SCFD2: variants seen among roughly 807,000 people sequenced by gnomAD.
SCFD2 encodes the protein sec1 family domain-containing protein 2.
Under a neutral mutation model 58.9 loss-of-function variants are expected in SCFD2, and 54 were observed. The observed-to-expected ratio is 0.92, with a 90% CI of 0.74 to 1.15. The LOEUF (loss-of-function observed/expected upper bound fraction) is 1.15, where lower values mean the gene tolerates loss of function less well. SCFD2 is among the 50% of genes most tolerant of loss of function. SCFD2 has a pLI of 0.00. For synonymous variants in SCFD2, 321 were observed against 335.9 expected (o/e 0.96, Z 0.49); for missense variants, 805 against 836.6 (o/e 0.96, Z 0.47).
At chr4:52,922,299 ACT>A (rs1719758807) in intron 5 of SCFD2, among the ~76,000 whole-genome samples, 1 of 152,142 alleles carries the variant, frequency 6.6e-6, no homozygotes, top group South Asian at 2.1e-4. Flanking sequence ...ATTTTATAAC[ACT>A]GTGTCACCCC....
intron 3 of SCFD2, among the ~76,000 whole-genome samples, chr4:53,301,397 C>G (rs866168983): frequency 2.4e-4 from 37 of 151,992 alleles, no homozygotes; most frequent in Middle Eastern, 3.4e-3. Flanking sequence ...AAGACTAAAC[C>G]AGGAAGAGGT....
In SCFD2 at chr4:52,888,490, A is replaced by C. The variant is rs374686822; in HGVS notation, c.1843-2624T>G. Among the ~76,000 whole-genome samples the C allele has an allele frequency of 5.1e-4, 77 of 152,298 alleles. 1 individual carries two copies. The highest frequency in any genetic ancestry group is 1.8e-3 in the African/African-American group (73 of 41,564). ...AATCTGCATACCAGACACCATAGCA[A>C]TGCTGCTTTTGTCCTACTGTACCCT... On this transcript the variant is annotated intron_variant, in intron 7 of 8. Transcript: ENST00000401642.
chr4:53,204,029 A>T (rs1337290258), intron 4 of SCFD2, among the ~76,000 whole-genome samples: 1 of 152,082 alleles, frequency 6.6e-6, no homozygotes, highest in African/African-American at 2.4e-5. Context: ...GATCTTTTCT[A>T]TTCCATGTAG....
chr4:53,255,047 AT>A (rs1331437248), intron 4 of SCFD2, among the ~76,000 whole-genome samples: 4 of 149,774 alleles, frequency 2.7e-5, no homozygotes, highest in Non-Finnish European at 5.9e-5. Context: ...TAATTTTTGT[AT>A]TTTTAGTAGA....
At chr4:53,015,703 T>C (rs1560510649) in intron 5 of SCFD2, among the ~76,000 whole-genome samples, 1 of 152,212 alleles carries the variant, frequency 6.6e-6, no homozygotes, top group Non-Finnish European at 1.5e-5. Context: ...TCAAATAATA[T>C]ATTTATTAAA....
intron 2 of SCFD2, among the ~76,000 whole-genome samples, chr4:53,335,526 GA>G (rs1462659272): frequency 6.6e-6 from 1 of 152,162 alleles, no homozygotes; most frequent in Non-Finnish European, 1.5e-5. Flanking sequence ...ATACTCTAAT[GA>G]GGGTAGTAAT....
chr4:53,021,104 A>C (rs1490829859), intron 5 of SCFD2, among the ~76,000 whole-genome samples: 1 of 152,212 alleles, frequency 6.6e-6, no homozygotes, highest in Admixed American at 6.5e-5. Flanking sequence ...ACAATATACT[A>C]ATAATGTGAA....
chr4:53,254,602 G>C (rs1461250070), intron 4 of SCFD2, among the ~76,000 whole-genome samples: 1 of 151,126 alleles, frequency 6.6e-6, no homozygotes, highest in African/African-American at 2.4e-5. Flanking sequence ...GCCTCCCAAA[G>C]TGCTGTGATT....
At chr4:52,875,027 C>T (rs578099696) in intron 8 of SCFD2, among the ~76,000 whole-genome samples, 6 of 152,296 alleles carry the variant, frequency 3.9e-5, no homozygotes, top group East Asian at 1.9e-4. Flanking sequence ...GAAATAGATA[C>T]GTTTATTTTT....
chr4:53,032,588 G>A (rs914699622), intron 5 of SCFD2, among the ~76,000 whole-genome samples: 1 of 152,056 alleles, frequency 6.6e-6, no homozygotes, highest in African/African-American at 2.4e-5. Context: ...ATAAAGGGAT[G>A]GAGGAATATT....
At chr4:53,295,114 C>A (rs1731979702) in intron 3 of SCFD2, among the ~76,000 whole-genome samples, 2 of 152,104 alleles carry the variant, frequency 1.3e-5, no homozygotes, top group South Asian at 4.1e-4. Flanking sequence ...ATTGTCTTGG[C>A]TATGCAGACT....
intron 7 of SCFD2, among the ~76,000 whole-genome samples, chr4:52,891,762 C>A (rs533389030): frequency 1.3e-5 from 2 of 152,244 alleles, no homozygotes; most frequent in Admixed American, 6.5e-5. Context: ...CAAAAGGTTT[C>A]CATGCTGCTA....
chr4:53,350,334 A>G lies in SCFD2; in HGVS notation c.1007+2264T>C, dbSNP rs1734179419. ...TCTTACCATTTCCCCCAGAATCTGAATCTTAAGGAGAAGGACTCAAAGAAA... is the reference window on the plus strand; with the variant it reads ...TCTTACCATTTCCCCCAGAATCTGAGTCTTAAGGAGAAGGACTCAAAGAAA... On this transcript the variant is annotated intron_variant, in intron 2 of 8. Transcript: ENST00000401642. 2.6e-5 allele frequency among the ~76,000 whole-genome samples: 4 copies of G among 152,318 alleles called. No individual in the cohort carries two copies. In the South Asian group the frequency reaches 8.3e-4, roughly 32 times the overall value.
intron 4 of SCFD2, among the ~76,000 whole-genome samples, chr4:53,206,278 T>A (rs4419530): frequency 0.13 from 19,975 of 152,038 alleles, 1,501 homozygotes; most frequent in East Asian, 0.24. Flanking sequence ...CCTCCTTGTC[T>A]CCCAATAATA....
At chr4:53,251,432 A>G (rs1251919375) in intron 4 of SCFD2, among the ~76,000 whole-genome samples, 1 of 152,240 alleles carries the variant, frequency 6.6e-6, no homozygotes, top group Non-Finnish European at 1.5e-5. Context: ...CACAACAAAA[A>G]AAGAGAATTT....
At chr4:53,005,421 C>A (rs1199970138) in intron 5 of SCFD2, among the ~76,000 whole-genome samples, 1 of 152,184 alleles carries the variant, frequency 6.6e-6, no homozygotes, top group Non-Finnish European at 1.5e-5. Flanking sequence ...ACAAGAGCCC[C>A]AAGTTCTGGC....
chr4:52,907,625 G>A, intron 6 of SCFD2, 34 bp from the exon 7 acceptor site: 7 of 1,611,050 alleles, frequency 4.3e-6, no homozygotes, highest in Non-Finnish European at 5.9e-6. Context: ...TAAAGGGATT[G>A]TTTGGTTTGT....
At chr4:52,955,103 G>A (rs1720681128) in intron 5 of SCFD2, among the ~76,000 whole-genome samples, 1 of 152,198 alleles carries the variant, frequency 6.6e-6, no homozygotes, top group Admixed American at 6.5e-5. Flanking sequence ...CACAAGGGCA[G>A]CCCTGTTTAG....
chr4:52,956,113 A>C, intron 5 of SCFD2: 1 of 456,702 alleles, frequency 2.2e-6, no homozygotes, highest in South Asian at 1.5e-5. Context: ...GGAGCCTTGG[A>C]ATGAATTTCT....
Sources: allele counts gnomAD v4.1 joint callset (sites outside exome capture counted in the v4.1 genomes callset), GRCh38; gene constraint gnomAD v4.1.1; transcripts MANE v1.5; gene names NCBI Gene and HGNC (gene_info 2026-07-23, HGNC 2026-07-21).